Variants in OSBPL6 observed in about 807,000 individuals in gnomAD.
OSBPL6 encodes oxysterol binding protein like 6, also known as oxysterol-binding protein-related protein 6.
Under a neutral mutation model 125.8 loss-of-function variants are expected in OSBPL6, and 49 were observed. The observed-to-expected ratio is 0.39, with a 90% CI of 0.31 to 0.49. The LOEUF (loss-of-function observed/expected upper bound fraction) is 0.49. Ranked by LOEUF, OSBPL6 falls within the 20% of genes least tolerant of loss-of-function variation. The probability of loss-of-function intolerance (pLI) is 0.88; values close to 1 mark genes in which losing one functional copy is unlikely to be tolerated. For synonymous variants in OSBPL6, 394 were observed against 391.8 expected (o/e 1.01, Z -0.07); for missense variants, 986 against 1,135.4 (o/e 0.87, Z 1.89).
intron 1 of OSBPL6, among the ~76,000 whole-genome samples, chr2:178,246,252 A>G (rs1344102601): frequency 6.6e-6 from 1 of 152,174 alleles, no homozygotes; most frequent in Non-Finnish European, 1.5e-5. Context: ...TGCATCAGTA[A>G]GATCACCAGG....
chr2:178,210,004 TTATTTATTTATC>T lies in OSBPL6; in HGVS notation c.-351+15342_-351+15353del, dbSNP rs201704191. Among the ~76,000 whole-genome samples the T allele has an allele frequency of 8.7e-3, 1,321 of 152,088 alleles. 21 individuals carry two copies. The highest frequency in any genetic ancestry group is 0.029 in the African/African-American group (1,211 of 41,496). On this transcript the variant is annotated intron_variant, in intron 1 of 24. Coordinates refer to ENST00000190611, the MANE Select transcript of OSBPL6 (RefSeq NM_032523.4). ...TAAAGATAAAGACTATAAGTAAATT[TTATTTATTTATC>T]TATTTATTTATTTATTTATTTGAGA...
chr2:178,352,507 AACTGCGAGGCGGCAG>A (rs1202958956), intron 12 of OSBPL6, among the ~76,000 whole-genome samples: 4 of 152,152 alleles, frequency 2.6e-5, no homozygotes, highest in African/African-American at 9.7e-5. Flanking sequence ...TCTGAGATCG[AACTGCGAGGCGGCAG>A]ACTGGCTGGG....
chr2:178,282,753 G>T (rs1478379006), intron 1 of OSBPL6, among the ~76,000 whole-genome samples: 1 of 152,162 alleles, frequency 6.6e-6, no homozygotes, highest in Non-Finnish European at 1.5e-5. Context: ...CCGGTTTCAA[G>T]CGATTCTCCT....
intron 12 of OSBPL6, among the ~76,000 whole-genome samples, chr2:178,349,815 C>T (rs1436282660): frequency 1.3e-5 from 2 of 152,228 alleles, no homozygotes; most frequent in Non-Finnish European, 2.9e-5. Flanking sequence ...AGCTAAGCAG[C>T]AAAGCCTCTG....
chr2:178,363,753 T>A (rs1692565238), intron 13 of OSBPL6, among the ~76,000 whole-genome samples: 1 of 152,252 alleles, frequency 6.6e-6, no homozygotes, highest in Non-Finnish European at 1.5e-5. Flanking sequence ...TTTATTTGCA[T>A]CTAAAGTTAG....
At chr2:178,326,512 T>G (rs1437216874) in intron 4 of OSBPL6, among the ~76,000 whole-genome samples, 1 of 152,172 alleles carries the variant, frequency 6.6e-6, no homozygotes, top group African/African-American at 2.4e-5. Context: ...AAAAACAAAT[T>G]CTTCAATTTT....
At position 178,237,750 on chromosome 2, in the gene OSBPL6, T is replaced by C. The variant is rs138442098; in HGVS notation, c.-351+43076T>C. ...ACCCTGGAGTTGTGACAACCAGAAA[T>C]GTCTCCAGACATTGCCAAATGTCCC... On this transcript the variant is annotated intron_variant, in intron 1 of 24. Coordinates refer to ENST00000190611, the MANE Select transcript of OSBPL6 (RefSeq NM_032523.4). Among the ~76,000 whole-genome samples the C allele has an allele frequency of 6.5e-3, 983 of 152,302 alleles. 11 individuals are homozygous for C. The highest frequency in any genetic ancestry group is 0.022 in the African/African-American group (926 of 41,568).
intron 1 of OSBPL6, among the ~76,000 whole-genome samples, chr2:178,244,955 T>C (rs193193982): frequency 3.3e-5 from 5 of 152,310 alleles, no homozygotes; most frequent in Admixed American, 6.5e-5. Context: ...AAGATTTTGA[T>C]TGAATGGTAA....
At chr2:178,245,275 T>G in intron 1 of OSBPL6, among the ~76,000 whole-genome samples, 1 of 152,222 alleles carries the variant, frequency 6.6e-6, no homozygotes. Context: ...TTTAAAAAAA[T>G]CATTGACTTA....
chr2:178,366,831 G>A (rs1692878471), intron 13 of OSBPL6, among the ~76,000 whole-genome samples: 1 of 152,136 alleles, frequency 6.6e-6, no homozygotes, highest in Non-Finnish European at 1.5e-5. Flanking sequence ...ACTCTTTATA[G>A]AATCCTTCAC....
chr2:178,268,866 C>T (rs901051849), intron 1 of OSBPL6, among the ~76,000 whole-genome samples: 4 of 151,974 alleles, frequency 2.6e-5, no homozygotes, highest in Non-Finnish European at 4.4e-5. Context: ...GCAAGTGACA[C>T]GCCTGCCCAT....
At chr2:178,282,518 G>A (rs1161956278) in intron 1 of OSBPL6, among the ~76,000 whole-genome samples, 3 of 152,198 alleles carry the variant, frequency 2.0e-5, no homozygotes, top group Non-Finnish European at 4.4e-5. Context: ...AGCAAAAAGA[G>A]CTGCAGGATA....
At chr2:178,355,050 C>G (rs1691645333) in intron 12 of OSBPL6, among the ~76,000 whole-genome samples, 1 of 152,146 alleles carries the variant, frequency 6.6e-6, no homozygotes, top group Non-Finnish European at 1.5e-5. Flanking sequence ...AGAACAAAGA[C>G]ACAACTTACC....
chr2:178,224,804 A>G (rs2090480783), intron 1 of OSBPL6, among the ~76,000 whole-genome samples: 4 of 152,186 alleles, frequency 2.6e-5, no homozygotes, highest in Admixed American at 2.6e-4. Context: ...ATGTGGTAGC[A>G]TGCACCTGTA....
chr2:178,326,261 C>T (rs1381093669), intron 4 of OSBPL6, among the ~76,000 whole-genome samples: 1 of 152,002 alleles, frequency 6.6e-6, no homozygotes, highest in East Asian at 1.9e-4. Flanking sequence ...ATACAGTTTA[C>T]CCTTCAGAAA....
At chr2:178,333,422 A>T (rs554860378) in intron 8 of OSBPL6, among the ~76,000 whole-genome samples, 2 of 152,174 alleles carry the variant, frequency 1.3e-5, no homozygotes, top group Non-Finnish European at 2.9e-5. Flanking sequence ...AAAGAAAATT[A>T]TGCAAATGCA....
chr2:178,312,055 C>T (rs1055172924), intron 3 of OSBPL6, among the ~76,000 whole-genome samples: 1 of 151,960 alleles, frequency 6.6e-6, no homozygotes, highest in African/African-American at 2.4e-5. Flanking sequence ...CATCTCAGCT[C>T]ACTGGAGCCT....
At chr2:178,338,203 G>A (rs774289510) in intron 9 of OSBPL6, among the ~76,000 whole-genome samples, 1 of 152,024 alleles carries the variant, frequency 6.6e-6, no homozygotes, top group Non-Finnish European at 1.5e-5. Context: ...GACGTGCTGG[G>A]ATTACAGGCA....
Position 178,321,528 on chromosome 2 carries a change from G to A in OSBPL6, c.103-2649G>A, listed in dbSNP as rs556056674. ...ATGCTTTTTTTAAAACCATGAGTTTGGAGAAAATTCAAGGTAGTGGATTAA... is the reference window on the plus strand; with the variant it reads ...ATGCTTTTTTTAAAACCATGAGTTTAGAGAAAATTCAAGGTAGTGGATTAA... On this transcript the variant is annotated intron_variant, in intron 3 of 24. Transcript: ENST00000190611. Among the ~76,000 whole-genome samples, 5 of 152,252 alleles carry A rather than the reference G, an allele frequency of 3.3e-5. No homozygotes were observed. The East Asian group carries it at 9.6e-4, about 29-fold the overall frequency.
Sources: gnomAD v4.1 joint callset for allele counts (sites outside exome capture counted in the v4.1 genomes callset) on GRCh38, gnomAD v4.1.1 for gene constraint, MANE v1.5 for transcripts, NCBI Gene and HGNC (gene_info 2026-07-23, HGNC 2026-07-21) for gene names.